Variants in ZNF491 observed in about 807,000 individuals in gnomAD.
The protein encoded by ZNF491 is zinc finger protein 491.
A neutral mutation model predicts 34.7 loss-of-function variants in ZNF491; 22 were observed. The observed-to-expected ratio is 0.63, with a 90% CI of 0.45 to 0.90. The LOEUF (loss-of-function observed/expected upper bound fraction) is 0.90, where lower values mean the gene tolerates loss of function less well. Ranked by LOEUF, ZNF491 falls within the 40% of genes least tolerant of loss-of-function variation. The pLI is 0.00. For synonymous variants in ZNF491, 148 were observed against 174.3 expected (o/e 0.85, Z 1.19); for missense variants, 559 against 531.7 (o/e 1.05, Z -0.51).
intron 1 of ZNF491, among the ~76,000 whole-genome samples, chr19:11,803,639 C>A (rs1359690933): frequency 6.6e-6 from 1 of 152,122 alleles, no homozygotes; most frequent in Admixed American, 6.5e-5. Context: ...GAATGTTCCT[C>A]AATTTGGAAT....
chr19:11,800,988 T>G (rs1421053799), intron 1 of ZNF491, among the ~76,000 whole-genome samples: 3 of 151,762 alleles, frequency 2.0e-5, no homozygotes, highest in Non-Finnish European at 4.4e-5. Flanking sequence ...CAGTGAGCCT[T>G]GAGGGCACCA....
intron 1 of ZNF491, among the ~76,000 whole-genome samples, chr19:11,803,924 G>A (rs968293903): frequency 8.5e-5 from 13 of 152,180 alleles, no homozygotes; most frequent in East Asian, 3.9e-4. Context: ...ATCAAGGCAC[G>A]CCAGGCACGG....
At chr19:11,805,199 C>T (rs543593889) in intron 2 of ZNF491, among the ~76,000 whole-genome samples, 6 of 152,060 alleles carry the variant, frequency 3.9e-5, no homozygotes, top group Middle Eastern at 3.4e-3. Context: ...CACCTGAGGT[C>T]GGGAGTTCAA....
At chr19:11,804,414 T>C in intron 1 of ZNF491, 128 bp from the exon 2 acceptor site, 3 of 1,273,310 alleles carry the variant, frequency 2.4e-6, no homozygotes, top group Non-Finnish European at 3.0e-6. Flanking sequence ...GAGTAAGAGG[T>C]CTGATGACAG....
At chr19:11,800,616 G>A (rs1975548498) in intron 1 of ZNF491, among the ~76,000 whole-genome samples, 1 of 151,076 alleles carries the variant, frequency 6.6e-6, no homozygotes, top group South Asian at 2.1e-4. Context: ...GGCCTCCTGG[G>A]TTCAAGCGAT....
At chr19:11,799,111 T>C (rs1207877011) in intron 1 of ZNF491, 1 of 152,264 alleles carries the variant, frequency 6.6e-6, no homozygotes, top group Non-Finnish European at 1.5e-5. Flanking sequence ...AAGAGTTTGT[T>C]GGAGCAACAG....
chr19:11,800,057 G>C (rs936270322), intron 1 of ZNF491, among the ~76,000 whole-genome samples: 1 of 152,194 alleles, frequency 6.6e-6, no homozygotes, highest in East Asian at 1.9e-4. Context: ...ACAGCTAATA[G>C]GCAAGGTGAG....
rs554595080 is a variant in ZNF491 at position 11,802,752 on chromosome 19, A to G, written c.-133-1790A>G. ...TTTTGGATTTGCCTGTGCTGTTTGA[A>G]TGAGAATCAAATCCACTTTCCAGAT... On this transcript the variant is annotated intron_variant, in intron 1 of 2. Coordinates refer to ENST00000323169, the MANE Select transcript of ZNF491 (RefSeq NM_152356.4). Among the ~76,000 whole-genome samples, 9 of 152,286 alleles carry G rather than the reference A, an allele frequency of 5.9e-5. No individual in the cohort carries two copies. In the South Asian group the frequency reaches 6.2e-4, roughly 11 times the overall value.
At chr19:11,801,812 G>C (rs1975562055) in intron 1 of ZNF491, among the ~76,000 whole-genome samples, 1 of 152,076 alleles carries the variant, frequency 6.6e-6, no homozygotes, top group African/African-American at 2.4e-5. Context: ...TTTGCAGTTA[G>C]CTTAGTATCA....
rs749894950 is a variant in ZNF491, at chr19:11,806,169, G to A, written c.216G>A (p.Glu72=). The A allele has an allele frequency of 9.9e-6, 16 of 1,613,930 alleles. No homozygotes were observed. In the African/African-American group the frequency reaches 1.9e-4, roughly 19 times the overall value. ...HQPHKCQKFL[E]KPYKHKQRRK... is the part of the protein sequence containing the mutation. ...CACATAAGTGTCAGAAATTTTTAGA[G>A]AAGCCATATAAACATAAACAACGTA... The change falls in exon 3 of 3, where the codon GAG becomes GAA. Residue 72 remains glutamate (E), a synonymous_variant. Coordinates refer to ENST00000323169, the MANE Select transcript of ZNF491 (RefSeq NM_152356.4).
At chr19:11,799,866 G>T (rs1230799371) in intron 1 of ZNF491, among the ~76,000 whole-genome samples, 1 of 152,034 alleles carries the variant, frequency 6.6e-6, no homozygotes, top group East Asian at 1.9e-4. Flanking sequence ...GCAGGAGGCG[G>T]AGGTTGCGTG....
intron 1 of ZNF491, among the ~76,000 whole-genome samples, chr19:11,800,562 C>T (rs1975547817): frequency 6.8e-6 from 1 of 147,340 alleles, no homozygotes; most frequent in African/African-American, 2.5e-5. Context: ...TGTCTGTTGC[C>T]CAGGCTGGAG....
chr19:11,799,658 G>C (rs1293669722), intron 1 of ZNF491, among the ~76,000 whole-genome samples: 1 of 152,062 alleles, frequency 6.6e-6, no homozygotes, highest in Non-Finnish European at 1.5e-5. Flanking sequence ...GGGTATGGCC[G>C]GGCGCGGTGG....
In ZNF491 at chr19:11,806,775, G is replaced by C; in HGVS notation, c.822G>C (p.Lys274Asn). Reference protein sequence around the residue: ...MHTGERPHKCKICGKAFYSPS... With the variant: ...MHTGERPHKCNICGKAFYSPS... ...CTGGAGAGAGGCCTCATAAATGTAA[G>C]ATATGTGGGAAAGCCTTTTACTCTC... is the stretch of plus-strand genomic sequence containing the variant. Residue 274 changes from lysine to asparagine, a missense_variant, in exon 3 of 3, where the codon AAG becomes AAC. By Grantham distance (94) the Lys-to-Asn change is moderately conservative. Coordinates refer to ENST00000323169, the MANE Select transcript of ZNF491 (RefSeq NM_152356.4). 6.2e-7 allele frequency: 1 copy of C among 1,612,796 alleles called. No homozygotes were observed. Among genetic ancestry groups the C allele is most frequent in the Non-Finnish European group, 8.5e-7 (1 of 1,179,572 alleles).
Position 11,807,161 on chromosome 19 carries a change from G to T in ZNF491, c.1208G>T (p.Arg403Ile), listed in dbSNP as rs566438546. 19 of 1,610,236 alleles carry T rather than the reference G, an allele frequency of 1.2e-5. No homozygotes were observed. In the Admixed American group the frequency reaches 1.9e-4, roughly 16 times the overall value. Residue 403 changes from arginine (R) to isoleucine (I), a missense_variant, in exon 3 of 3, where the codon AGA (arginine) becomes ATA (isoleucine). By Grantham distance (97) the Arg-to-Ile change is moderately conservative. Coordinates refer to ENST00000323169, the MANE Select transcript of ZNF491 (RefSeq NM_152356.4). ...TCSIYIRIHE[R>I]IHTGEKPYQC... The stretch of plus-strand genomic sequence containing the variant: ...TCCATATATATTAGAATACATGAAA[G>T]AATTCACACTGGAGAGAAACCTTAC...
Position 11,802,980 on chromosome 19 carries a change from CTTTTTTT to C in ZNF491, c.-133-1551_-133-1545del, listed in dbSNP as rs60046800. Among the ~76,000 whole-genome samples, 1,211 of 136,772 alleles carry C rather than the reference CTTTTTTT, an allele frequency of 8.9e-3. 5 individuals carry two copies. Among genetic ancestry groups the C allele is most frequent in the African/African-American group, 0.029 (1,070 of 37,474 alleles). The allele number at this position is 136,772 out of a possible 152,430, so 89.7% of individuals were successfully genotyped here. Reference sequence around the variant, plus strand: ...CACCAAAAAGAGACATTTTCCTATTCTTTTTTTTTTTTTTTTTCCAAGATGGACTCTC... The same window carrying C: ...CACCAAAAAGAGACATTTTCCTATTCTTTTTTTTTTCCAAGATGGACTCTC... On this transcript the variant is annotated intron_variant, in intron 1 of 2. Transcript: ENST00000323169.
chr19:11,802,816 G>C (rs1975570497), intron 1 of ZNF491, among the ~76,000 whole-genome samples: 1 of 152,150 alleles, frequency 6.6e-6, no homozygotes, highest in African/African-American at 2.4e-5. Context: ...ACATTTTCAA[G>C]TATATGTAGT....
intron 1 of ZNF491, among the ~76,000 whole-genome samples, chr19:11,799,483 TC>T (rs1472959260): frequency 4.0e-4 from 27 of 68,244 alleles, no homozygotes; most frequent in Non-Finnish European, 5.5e-4. Flanking sequence ...CCCGCCCCCC[TC>T]CCCCCGCCCC....
intron 1 of ZNF491, among the ~76,000 whole-genome samples, chr19:11,803,077 G>T (rs560400943): frequency 9.3e-4 from 141 of 151,754 alleles, no homozygotes; most frequent in Non-Finnish European, 5.2e-4. Flanking sequence ...TGCCTCCTGG[G>T]TTCAAGTGAT....
Sources: allele counts gnomAD v4.1 joint callset (sites outside exome capture counted in the v4.1 genomes callset), GRCh38; gene constraint gnomAD v4.1.1; transcripts MANE v1.5; gene names NCBI Gene and HGNC (gene_info 2026-07-23, HGNC 2026-07-21).